LSAMP: variants seen among roughly 807,000 people sequenced by gnomAD.
The protein encoded by LSAMP is limbic system-associated membrane protein.
In LSAMP, 7 loss-of-function variants were observed where a neutral mutation model predicts 38.6. The observed-to-expected ratio is 0.18, with a 90% CI of 0.10 to 0.34. LSAMP has a LOEUF of 0.34. Ranked by LOEUF, LSAMP falls within the 10% of genes least tolerant of loss-of-function variation. The probability of loss-of-function intolerance (pLI) is 1.00; values close to 1 mark genes in which losing one functional copy is unlikely to be tolerated. For synonymous variants in LSAMP, 154 were observed against 166.8 expected (o/e 0.92, Z 0.59); for missense variants, 313 against 420.0 (o/e 0.75, Z 2.23).
intron 3 of LSAMP, among the ~76,000 whole-genome samples, chr3:115,861,331 A>G (rs1935694669): frequency 6.6e-6 from 1 of 152,002 alleles, no homozygotes; most frequent in Non-Finnish European, 1.5e-5. Context: ...GTTTCTTGAC[A>G]CTGAGTACTA....
chr3:115,912,665 T>C (rs1050749838), intron 3 of LSAMP, among the ~76,000 whole-genome samples: 3 of 152,194 alleles, frequency 2.0e-5, no homozygotes, highest in Non-Finnish European at 4.4e-5. Flanking sequence ...CCAGTTTTGT[T>C]TGTTTGTTTG....
intron 2 of LSAMP, among the ~76,000 whole-genome samples, chr3:116,073,976 TGA>T (rs1177113234): frequency 6.6e-6 from 1 of 152,208 alleles, no homozygotes; most frequent in African/African-American, 2.4e-5. Flanking sequence ...CTGTTGAATC[TGA>T]ACAAGAATGC....
chr3:115,989,768 G>A (rs2107640430), intron 3 of LSAMP, among the ~76,000 whole-genome samples: 1 of 152,132 alleles, frequency 6.6e-6, no homozygotes, highest in Non-Finnish European at 1.5e-5. Context: ...AGACTAGACT[G>A]GGTAGAAATA....
chr3:116,172,047 C>T (rs1203029048), intron 1 of LSAMP, among the ~76,000 whole-genome samples: 2 of 151,792 alleles, frequency 1.3e-5, no homozygotes, highest in Non-Finnish European at 2.9e-5. Flanking sequence ...GTCATGTAAC[C>T]ACCAACACTA....
At chr3:116,419,910 T>C (rs932831124) in intron 1 of LSAMP, among the ~76,000 whole-genome samples, 9 of 152,180 alleles carry the variant, frequency 5.9e-5, no homozygotes, top group Non-Finnish European at 1.0e-4. Context: ...CAAAAATAAC[T>C]CTCACGTCAG....
chr3:116,018,718 T>C (rs1030427119), intron 3 of LSAMP, among the ~76,000 whole-genome samples: 9 of 152,152 alleles, frequency 5.9e-5, no homozygotes, highest in African/African-American at 2.2e-4. Flanking sequence ...TAATCTTAAA[T>C]AATTTGCTCA....
chr3:116,248,098 C>T (rs563290775), intron 1 of LSAMP, among the ~76,000 whole-genome samples: 14 of 152,224 alleles, frequency 9.2e-5, no homozygotes, highest in Non-Finnish European at 1.3e-4. Flanking sequence ...TAATGTGTTA[C>T]GTACTAGAGA....
chr3:116,135,315 C>T (rs7635196), intron 1 of LSAMP, among the ~76,000 whole-genome samples: 8,857 of 152,218 alleles, frequency 0.058, 307 homozygotes, highest in Middle Eastern at 0.16. Flanking sequence ...AGGGCATTCA[C>T]TGAGTGCTTA....
At chr3:116,359,230 T>G (rs1013664475) in intron 1 of LSAMP, among the ~76,000 whole-genome samples, 8 of 152,232 alleles carry the variant, frequency 5.3e-5, no homozygotes, top group Non-Finnish European at 7.3e-5. Context: ...AATCAGTCCA[T>G]CAATCAATAA....
chr3:116,094,842 A>C (rs953573257), intron 1 of LSAMP, among the ~76,000 whole-genome samples: 1 of 152,242 alleles, frequency 6.6e-6, no homozygotes, highest in African/African-American at 2.4e-5. Flanking sequence ...TTTCTTCTTA[A>C]GTAAAATGGG....
rs145117953 is a variant in LSAMP, at chr3:115,841,628, G to A, written c.919+217C>T. On this transcript the variant is annotated intron_variant, in intron 6 of 6. Coordinates refer to ENST00000490035, the MANE Select transcript of LSAMP (RefSeq NM_002338.5). ...AAAACGAAGAAAAACAAACAACAAG[G>A]CAGTTATCAGAAGTAAGAAAGACTA... 3.6e-3 allele frequency: 1,544 copies of A among 434,472 alleles called. 21 individuals carry two copies. Among genetic ancestry groups the A allele is most frequent in the African/African-American group, 0.028 (1,363 of 49,542 alleles). 26.9% of individuals were successfully genotyped at this position (434,472 alleles called of 1,614,324 possible).
rs1933544247 is a variant in LSAMP at position 115,802,790 on chromosome 3, T to C, written c.*7527A>G. ...AACCAAGAGCAGGATTTATACACCCTTCAGTAGAGCAGTGATAAGGAAGGT... is the reference window on the plus strand; with the variant it reads ...AACCAAGAGCAGGATTTATACACCCCTCAGTAGAGCAGTGATAAGGAAGGT... On this transcript the variant is annotated 3_prime_UTR_variant, in exon 7 of 7. Transcript: ENST00000490035. 6.6e-6 allele frequency: 1 copy of C among 152,092 alleles called. No individual in the cohort carries two copies. The highest frequency in any genetic ancestry group is 1.5e-5 in the Non-Finnish European group (1 of 68,018). 9.4% of individuals were successfully genotyped at this position (152,092 alleles called of 1,614,324 possible).
intron 1 of LSAMP, among the ~76,000 whole-genome samples, chr3:116,345,779 T>C (rs116598700): frequency 0.026 from 3,971 of 152,240 alleles, 166 homozygotes; most frequent in African/African-American, 0.087. Context: ...GATATAGCAG[T>C]GTCGGTTGCT....
Position 115,841,830 on chromosome 3 carries a change from CT to C in LSAMP, c.919+14del. On this transcript the variant is annotated intron_variant, in intron 6 of 6. Coordinates refer to ENST00000490035, the MANE Select transcript of LSAMP (RefSeq NM_002338.5). ...TTTAATTCCATCAAGTTGGGCCCTGCTTTGGCATACTTACTGAAAAGGACTA... is the reference window on the plus strand; with the variant it reads ...TTTAATTCCATCAAGTTGGGCCCTGCTTGGCATACTTACTGAAAAGGACTA... 6.3e-7 allele frequency: 1 copy of C among 1,590,538 alleles called. No individual in the cohort carries two copies. Among genetic ancestry groups the C allele is most frequent in the South Asian group, 1.2e-5 (1 of 86,800 alleles).
At chr3:116,355,216 G>A (rs1161848765) in intron 1 of LSAMP, among the ~76,000 whole-genome samples, 1 of 151,964 alleles carries the variant, frequency 6.6e-6, no homozygotes, top group African/African-American at 2.4e-5. Context: ...AATTTATACA[G>A]TCTGCTTCAC....
intron 3 of LSAMP, among the ~76,000 whole-genome samples, chr3:115,939,524 C>T (rs1327551345): frequency 6.7e-6 from 1 of 149,376 alleles, no homozygotes; most frequent in Non-Finnish European, 1.5e-5. Context: ...TCTTTATGTT[C>T]TCTTTCTCTT....
chr3:115,902,375 C>T (rs1166971251), intron 3 of LSAMP, among the ~76,000 whole-genome samples: 2 of 151,884 alleles, frequency 1.3e-5, no homozygotes, highest in Non-Finnish European at 2.9e-5. Context: ...GGTTATGAAT[C>T]ATGCAAAACT....
intron 1 of LSAMP, among the ~76,000 whole-genome samples, chr3:116,343,884 T>C (rs2048029750): frequency 6.6e-6 from 1 of 152,116 alleles, no homozygotes; most frequent in Admixed American, 6.6e-5. Flanking sequence ...ACTGGTAGTT[T>C]GTAGTTTTCA....
intron 1 of LSAMP, among the ~76,000 whole-genome samples, chr3:116,376,294 T>C (rs1165199186): frequency 6.6e-6 from 1 of 152,038 alleles, no homozygotes; most frequent in Non-Finnish European, 1.5e-5. Context: ...ATTTCTCAAA[T>C]ACAAAAACTT....
Sources: allele counts gnomAD v4.1 joint callset (sites outside exome capture counted in the v4.1 genomes callset), GRCh38; gene constraint gnomAD v4.1.1; transcripts MANE v1.5; gene names NCBI Gene and HGNC (gene_info 2026-07-23, HGNC 2026-07-21).